The following ETS1 variants were observed in gnomAD, a reference collection of about 807,000 sequenced individuals.
The protein encoded by ETS1 is protein C-ets-1.
A neutral mutation model predicts 58.6 loss-of-function variants in ETS1; 15 were observed. That is an observed-to-expected ratio of 0.26 (90% CI 0.17 to 0.39). ETS1 has a LOEUF of 0.39. Ranked by LOEUF, ETS1 falls within the 10% of genes least tolerant of loss-of-function variation. The pLI is 1.00. For missense variants in ETS1, 417 were observed against 610.5 expected (o/e 0.68, Z 3.34); for synonymous variants, 214 against 218.2 (o/e 0.98, Z 0.17).
Position 128,553,729 on chromosome 11 carries a change from C to T in ETS1, c.214+2562G>A, listed in dbSNP as rs915991018. On this transcript the variant is annotated intron_variant, in intron 3 of 9. Coordinates refer to ENST00000392668, the MANE Select transcript of ETS1 (RefSeq NM_001143820.2). ...TCCTCCTCCTCAGCCTCTGCCCCTT[C>T]GTGAATAGGAACAACATTCTGAAAA... is the stretch of plus-strand genomic sequence containing the variant. Among the ~76,000 whole-genome samples the T allele has an allele frequency of 3.3e-5, 5 of 151,846 alleles. No individual in the cohort carries two copies. In the East Asian group the frequency reaches 9.7e-4, roughly 29 times the overall value.
chr11:128,485,306 C>T (rs933413673), intron 6 of ETS1, among the ~76,000 whole-genome samples: 3 of 152,212 alleles, frequency 2.0e-5, no homozygotes, highest in South Asian at 2.1e-4. Context: ...GGGGTGATTG[C>T]GATTTTTCCC....
intron 2 of ETS1, among the ~76,000 whole-genome samples, chr11:128,569,315 C>CTTTTTTTTTTTT (rs1864572866): frequency 1.4e-4 from 5 of 35,134 alleles, no homozygotes; most frequent in Admixed American, 2.7e-4. Flanking sequence ...GACAGAGTTT[C>CTTTTTTTTTTTT]TTCTTTTTTT....
At chr11:128,523,486 G>T (rs1354354634) in intron 3 of ETS1, among the ~76,000 whole-genome samples, 3 of 152,318 alleles carry the variant, frequency 2.0e-5, no homozygotes, top group East Asian at 3.9e-4. Context: ...CTCAGAGAAA[G>T]CTATTTTTAA....
chr11:128,481,399 A>G lies in ETS1; in HGVS notation c.863-948T>C, dbSNP rs1289426213. 2.7e-5 allele frequency among the ~76,000 whole-genome samples: 4 copies of G among 149,898 alleles called. No individual in the cohort carries two copies. In the East Asian group the frequency reaches 5.9e-4, roughly 22 times the overall value. ...GCTCCTGGAGAAATTTCCATTGGCAAAAATGCCACTAAAAAGGAGGCTAGC... is the reference window on the plus strand; with the variant it reads ...GCTCCTGGAGAAATTTCCATTGGCAGAAATGCCACTAAAAAGGAGGCTAGC... On this transcript the variant is annotated intron_variant, in intron 7 of 9. Transcript: ENST00000392668.
rs534995466 is a variant in ETS1, at chr11:128,586,967, C to T, written c.-15+521G>A. Among the ~76,000 whole-genome samples, 9 of 152,094 alleles carry T rather than the reference C, an allele frequency of 5.9e-5. No individual in the cohort carries two copies. In the South Asian group the frequency reaches 1.0e-3, roughly 18 times the overall value. ...GATCTTTGGACAACTGCAGGTCAGT[C>T]CCAAGACAGAGAAAAACACCAAACA... is the stretch of plus-strand genomic sequence containing the variant. On this transcript the variant is annotated intron_variant, in intron 1 of 9. Transcript: ENST00000392668.
Position 128,518,218 on chromosome 11 carries a change from C to T in ETS1, c.215-27642G>A, listed in dbSNP as rs1007422763. ...CCCTGGAGAACAGAATGAAGTTTCACGGGCATGGGATCTCAGCTAAGCAGG... is the reference window on the plus strand; with the variant it reads ...CCCTGGAGAACAGAATGAAGTTTCATGGGCATGGGATCTCAGCTAAGCAGG... On this transcript the variant is annotated intron_variant, in intron 3 of 9. Transcript: ENST00000392668. Among the ~76,000 whole-genome samples the T allele has an allele frequency of 5.3e-5, 8 of 152,176 alleles. No homozygotes were observed. The East Asian group carries it at 5.8e-4, about 11-fold the overall frequency.
At chr11:128,479,098 A>C (rs949261139) in intron 8 of ETS1, among the ~76,000 whole-genome samples, 1 of 152,220 alleles carries the variant, frequency 6.6e-6, no homozygotes. Context: ...TAAGTTTTCA[A>C]GCATTTGAGT....
chr11:128,501,321 A>G (rs1470157280), intron 3 of ETS1, among the ~76,000 whole-genome samples: 1 of 152,238 alleles, frequency 6.6e-6, no homozygotes, highest in Non-Finnish European at 1.5e-5. Context: ...TGACTGGTGC[A>G]GACTAAGACA....
chr11:128,544,696 A>C (rs1452940190), intron 3 of ETS1, among the ~76,000 whole-genome samples: 1 of 152,118 alleles, frequency 6.6e-6, no homozygotes, highest in Admixed American at 6.5e-5. Flanking sequence ...AAAAGGAAAA[A>C]AAAAATGCAC....
intron 2 of ETS1, among the ~76,000 whole-genome samples, chr11:128,558,049 G>A (rs2135559303): frequency 6.6e-6 from 1 of 152,302 alleles, no homozygotes; most frequent in Admixed American, 6.5e-5. Flanking sequence ...AAGGTTCCAT[G>A]CACATGATAT....
chr11:128,466,155 C>T (rs115412389), intron 8 of ETS1, among the ~76,000 whole-genome samples: 1,686 of 152,356 alleles, frequency 0.011, 23 homozygotes, highest in African/African-American at 0.037. Flanking sequence ...CCAGGCCCCG[C>T]CATGGCATCC....
chr11:128,555,632 A>AC (rs1864300314), intron 3 of ETS1, among the ~76,000 whole-genome samples: 1 of 152,346 alleles, frequency 6.6e-6, no homozygotes, highest in Non-Finnish European at 1.5e-5. Flanking sequence ...AAACAAACAA[A>AC]AAAAAAACAC....
chr11:128,585,090 GGAAA>G lies in ETS1; in HGVS notation c.-15+2394_-15+2397del, dbSNP rs1226771088. 4.2e-4 allele frequency among the ~76,000 whole-genome samples: 9 copies of G among 21,386 alleles called. 2 individuals are homozygous for G. Among genetic ancestry groups the G allele is most frequent in the East Asian group, 6.8e-4 (1 of 1,464 alleles). 14.0% of individuals were successfully genotyped at this position (21,386 alleles called of 152,430 possible). Reference sequence around the variant, plus strand: ...AAAGAAAGAAAGAGAAAGAAAGAAAGGAAAGAAAGAAAGGAAGGAAGGAAGGAAA... The same window carrying G: ...AAAGAAAGAAAGAGAAAGAAAGAAAGGAAAGAAAGGAAGGAAGGAAGGAAA... On this transcript the variant is annotated intron_variant, in intron 1 of 9. Coordinates refer to ENST00000392668, the MANE Select transcript of ETS1 (RefSeq NM_001143820.2).
At chr11:128,469,869 A>G (rs1591592372) in intron 8 of ETS1, among the ~76,000 whole-genome samples, 1 of 152,162 alleles carries the variant, frequency 6.6e-6, no homozygotes, top group Non-Finnish European at 1.5e-5. Context: ...CTCATCTCTA[A>G]CACACTCCAT....
chr11:128,472,835 T>G (rs1395562188), intron 8 of ETS1, among the ~76,000 whole-genome samples: 2 of 152,196 alleles, frequency 1.3e-5, no homozygotes, highest in African/African-American at 4.8e-5. Flanking sequence ...TCCGCTGCCT[T>G]CTCTTCGCTG....
chr11:128,558,683 A>T, intron 2 of ETS1, among the ~76,000 whole-genome samples: 1 of 147,236 alleles, frequency 6.8e-6, no homozygotes, highest in Admixed American at 6.8e-5. Context: ...AAAAAAAAAA[A>T]AGAGAGAGAG....
chr11:128,530,047 T>C (rs1205823074), intron 3 of ETS1: 1 of 152,220 alleles, frequency 6.6e-6, no homozygotes, highest in East Asian at 1.9e-4. Context: ...ATTATTCATA[T>C]TTAGAATTTA....
intron 7 of ETS1, among the ~76,000 whole-genome samples, chr11:128,483,071 A>G (rs1862534055): frequency 6.6e-6 from 1 of 152,226 alleles, no homozygotes; most frequent in East Asian, 1.9e-4. Context: ...GGCCCTTTGC[A>G]TAGGCCCTGT....
At chr11:128,585,736 G>A (rs1239034216) in intron 1 of ETS1, among the ~76,000 whole-genome samples, 2 of 152,102 alleles carry the variant, frequency 1.3e-5, no homozygotes, top group Non-Finnish European at 2.9e-5. Flanking sequence ...TAAACCAGGC[G>A]GGGCGCAAAT....
Sources: allele counts gnomAD v4.1 joint callset (sites outside exome capture counted in the v4.1 genomes callset), GRCh38; gene constraint gnomAD v4.1.1; transcripts MANE v1.5; gene names NCBI Gene and HGNC (gene_info 2026-07-23, HGNC 2026-07-21).